PCDH9: variants seen among roughly 807,000 people sequenced by gnomAD.
The protein encoded by PCDH9 is protocadherin 9.
PCDH9 carries 24 observed loss-of-function variants against 70.6 expected under a neutral mutation model. The observed-to-expected ratio is 0.34, with a 90% CI of 0.25 to 0.48. The LOEUF is 0.48. Ranked by LOEUF, PCDH9 falls within the 20% of genes least tolerant of loss-of-function variation. The probability of loss-of-function intolerance (pLI) is 0.99; values close to 1 mark genes in which losing one functional copy is unlikely to be tolerated. For synonymous variants in PCDH9, 562 were observed against 558.5 expected (o/e 1.01, Z -0.09); for missense variants, 1,281 against 1,503.6 (o/e 0.85, Z 2.45).
intron 2 of PCDH9, among the ~76,000 whole-genome samples, chr13:67,102,340 C>G (rs528582763): frequency 6.6e-6 from 1 of 152,202 alleles, no homozygotes; most frequent in East Asian, 1.9e-4. Context: ...TCAGCCTCCA[C>G]GGACTCTTCT....
At chr13:67,228,999 T>G (rs898462136) in intron 1 of PCDH9, among the ~76,000 whole-genome samples, 2 of 152,190 alleles carry the variant, frequency 1.3e-5, no homozygotes, top group Admixed American at 1.3e-4. Context: ...GTCAAATGTG[T>G]TTTCTTCTCT....
chr13:66,782,540 A>T (rs1278328700), intron 3 of PCDH9, among the ~76,000 whole-genome samples: 1 of 152,210 alleles, frequency 6.6e-6, no homozygotes, highest in Non-Finnish European at 1.5e-5. Context: ...AAAGAAAAAA[A>T]GCCAACAATG....
At chr13:66,970,685 C>A (rs2083506741) in intron 2 of PCDH9, among the ~76,000 whole-genome samples, 1 of 150,330 alleles carries the variant, frequency 6.7e-6, no homozygotes, top group African/African-American at 2.4e-5. Flanking sequence ...TCACACATAT[C>A]CAGGATTTTT....
chr13:67,055,195 A>T (rs2085394764), intron 2 of PCDH9, among the ~76,000 whole-genome samples: 1 of 152,180 alleles, frequency 6.6e-6, no homozygotes, highest in African/African-American at 2.4e-5. Flanking sequence ...CTTATTTGCT[A>T]TGTGAGTTTT....
intron 4 of PCDH9, among the ~76,000 whole-genome samples, chr13:66,597,568 C>G (rs942777511): frequency 1.3e-5 from 2 of 151,752 alleles, no homozygotes; most frequent in African/African-American, 4.8e-5. Context: ...ACATCATACA[C>G]AAACATCAAC....
chr13:67,084,613 C>T (rs2086056390), intron 2 of PCDH9, among the ~76,000 whole-genome samples: 1 of 151,932 alleles, frequency 6.6e-6, no homozygotes, highest in Non-Finnish European at 1.5e-5. Context: ...TTTCCAGCTG[C>T]AAACCTCAGT....
At chr13:67,060,488 T>A (rs1474849847) in intron 2 of PCDH9, among the ~76,000 whole-genome samples, 1 of 152,078 alleles carries the variant, frequency 6.6e-6, no homozygotes, top group Non-Finnish European at 1.5e-5. Context: ...CTATTCTTTG[T>A]TCTCACCTGT....
At position 66,953,585 on chromosome 13, in the gene PCDH9, C is replaced by T. The variant is rs576899585; in HGVS notation, c.3037-49980G>A. Reference sequence around the variant, plus strand: ...ATTGATAACTGTATCAATGTTGTCCCTTCTCTCCTGCTTTCCTGCCCTTTC... The same window carrying T: ...ATTGATAACTGTATCAATGTTGTCCTTTCTCTCCTGCTTTCCTGCCCTTTC... On this transcript the variant is annotated intron_variant, in intron 2 of 4. Transcript: ENST00000377865. Among the ~76,000 whole-genome samples, 6 of 152,266 alleles carry T rather than the reference C, an allele frequency of 3.9e-5. No homozygotes were observed. The East Asian group carries it at 1.2e-3, about 29-fold the overall frequency.
At chr13:66,572,744 A>C (rs1256179337) in intron 4 of PCDH9, among the ~76,000 whole-genome samples, 6 of 152,012 alleles carry the variant, frequency 3.9e-5, no homozygotes, top group Non-Finnish European at 4.4e-5. Context: ...GATTGCTAGA[A>C]GCTATAGTAT....
chr13:66,691,687 A>C (rs2078489059), intron 3 of PCDH9, among the ~76,000 whole-genome samples: 1 of 152,168 alleles, frequency 6.6e-6, no homozygotes, highest in Non-Finnish European at 1.5e-5. Flanking sequence ...GAGAAAATGA[A>C]CCCACGTATT....
chr13:67,159,493 A>T (rs1399906187), intron 2 of PCDH9, among the ~76,000 whole-genome samples: 2 of 152,222 alleles, frequency 1.3e-5, no homozygotes, highest in Non-Finnish European at 2.9e-5. Context: ...TACAAAAAGA[A>T]AAGCGTAGAG....
intron 4 of PCDH9, among the ~76,000 whole-genome samples, chr13:66,309,766 C>A (rs968434505): frequency 6.6e-6 from 1 of 151,456 alleles, no homozygotes; most frequent in Non-Finnish European, 1.5e-5. Context: ...TATCATTGTA[C>A]TGGATTCTTA....
chr13:66,631,444 C>T (rs1443971987), intron 3 of PCDH9, 33 bp from the exon 4 acceptor site: 5 of 1,242,102 alleles, frequency 4.0e-6, no homozygotes, highest in Non-Finnish European at 5.9e-6. Flanking sequence ...TGCTGATTAA[C>T]ACTCCTCTCA....
intron 2 of PCDH9, among the ~76,000 whole-genome samples, chr13:67,037,007 G>A (rs1425603497): frequency 6.6e-6 from 1 of 152,100 alleles, no homozygotes; most frequent in Admixed American, 6.6e-5. Context: ...TAAAACCAGG[G>A]TTTAACATAC....
chr13:67,015,122 GCTC>G (rs1457651694), intron 2 of PCDH9, among the ~76,000 whole-genome samples: 3 of 152,030 alleles, frequency 2.0e-5, no homozygotes, highest in Non-Finnish European at 4.4e-5. Context: ...TTGACTCCTG[GCTC>G]CTCATTTACC....
intron 4 of PCDH9, among the ~76,000 whole-genome samples, chr13:66,309,589 TC>T (rs1243825227): frequency 2.6e-5 from 4 of 151,942 alleles, no homozygotes; most frequent in African/African-American, 9.7e-5. Flanking sequence ...GTTTTAAATC[TC>T]AGATGTTTGC....
chr13:66,987,610 T>G (rs2083918784), intron 2 of PCDH9, among the ~76,000 whole-genome samples: 1 of 152,006 alleles, frequency 6.6e-6, no homozygotes, highest in Non-Finnish European at 1.5e-5. Context: ...ACTAAGTCAT[T>G]GTTAGGTAGA....
intron 4 of PCDH9, among the ~76,000 whole-genome samples, chr13:66,422,429 T>C (rs1265779760): frequency 6.6e-6 from 1 of 152,050 alleles, no homozygotes; most frequent in Non-Finnish European, 1.5e-5. Flanking sequence ...CCTCAGCAAA[T>C]GCAAAAGAAC....
At chr13:66,393,963 T>C (rs1957062287) in intron 4 of PCDH9, among the ~76,000 whole-genome samples, 1 of 152,192 alleles carries the variant, frequency 6.6e-6, no homozygotes, top group South Asian at 2.1e-4. Flanking sequence ...ATTTGTACAA[T>C]GCTAAGGCAT....
Sources: allele counts gnomAD v4.1 joint callset (sites outside exome capture counted in the v4.1 genomes callset), GRCh38; gene constraint gnomAD v4.1.1; transcripts MANE v1.5; gene names NCBI Gene and HGNC (gene_info 2026-07-23, HGNC 2026-07-21).